CACNA1C: variants seen among roughly 807,000 people sequenced by gnomAD.
The protein encoded by CACNA1C is calcium voltage-gated channel subunit alpha1 C.
A neutral mutation model predicts 229.0 loss-of-function variants in CACNA1C; 30 were observed. The ratio of observed to expected loss-of-function variants is 0.13; its 90% CI spans 0.10 to 0.18. The LOEUF is 0.18. Among genes scored for constraint, CACNA1C ranks in the 10% least tolerant of loss-of-function variants. The probability of loss-of-function intolerance (pLI) is 1.00; values close to 1 mark genes in which losing one functional copy is unlikely to be tolerated. For missense variants in CACNA1C, 1,658 were observed against 2,845.0 expected (o/e 0.58, Z 9.49); for synonymous variants, 1,114 against 1,132.5 (o/e 0.98, Z 0.33).
At chr12:2,128,706 C>T (rs950669405) in intron 3 of CACNA1C, among the ~76,000 whole-genome samples, 1 of 152,162 alleles carries the variant, frequency 6.6e-6, no homozygotes. Flanking sequence ...CCACTGCGCC[C>T]GGCCAGGTAA....
intron 13 of CACNA1C, among the ~76,000 whole-genome samples, chr12:2,569,314 A>G (rs2053048532): frequency 6.7e-6 from 1 of 149,534 alleles, no homozygotes; most frequent in Admixed American, 6.7e-5. Context: ...ACATACTGAA[A>G]TATAATTCAT....
chr12:2,620,563 C>G (rs1478026886), intron 29 of CACNA1C, among the ~76,000 whole-genome samples: 1 of 152,232 alleles, frequency 6.6e-6, no homozygotes, highest in Non-Finnish European at 1.5e-5. Flanking sequence ...CCGTCCTTCC[C>G]TCTCATTCAG....
chr12:2,149,781 A>AG (rs1268744506), intron 3 of CACNA1C, among the ~76,000 whole-genome samples: 1 of 152,074 alleles, frequency 6.6e-6, no homozygotes, highest in Non-Finnish European at 1.5e-5. Flanking sequence ...TGTAGGACCC[A>AG]GGGGGGAGCA....
chr12:2,200,681 A>G (rs1161661378), intron 3 of CACNA1C, among the ~76,000 whole-genome samples: 1 of 152,190 alleles, frequency 6.6e-6, no homozygotes, highest in Non-Finnish European at 1.5e-5. Context: ...GGGAATGACA[A>G]GGGCTGACAA....
At chr12:2,253,902 T>G (rs1272978704) in intron 3 of CACNA1C, among the ~76,000 whole-genome samples, 4 of 152,156 alleles carry the variant, frequency 2.6e-5, no homozygotes, top group Non-Finnish European at 4.4e-5. Context: ...ATGGGATCAC[T>G]GGAGAGAGAA....
chr12:2,685,356 G>C lies in CACNA1C; in HGVS notation c.5574-380G>C, dbSNP rs575705484. 1.3e-4 allele frequency among the ~76,000 whole-genome samples: 19 copies of C among 151,112 alleles called. No individual in the cohort carries two copies. The South Asian group carries it at 4.0e-3, about 32-fold the overall frequency. On this transcript the variant is annotated intron_variant, in intron 43 of 46. Transcript: ENST00000399655. ...GGCATAAGTTTGGGTGAAAGTTGAG[G>C]GTCACTGGGGAAAACAGCATCAGCT...
rs1167574555 is a variant in CACNA1C at position 2,581,741 on chromosome 12, C to G, written c.2047C>G (p.Gln683Glu). ...FGGKFNFDEM[Q>E]TRRSTFDNFP... ...AGGAAAGTTCAACTTTGATGAGATG[C>G]AGACCCGGAGGAGCACATTCGATAA... is the stretch of plus-strand genomic sequence containing the variant. The change falls in exon 14 of 47, where the codon CAG becomes GAG. Residue 683 changes from glutamine (Q) to glutamate (E), a missense_variant. Gln to Glu is a conservative substitution (Grantham distance 29). This residue lies in a region of CACNA1C where 30 missense variants were observed against 73.2 expected (regional missense o/e 0.41). Coordinates refer to ENST00000399655, the MANE Select transcript of CACNA1C (RefSeq NM_000719.7). The G allele has an allele frequency of 6.2e-7, 1 of 1,613,202 alleles. No individual in the cohort carries two copies. Among genetic ancestry groups the G allele is most frequent in the Non-Finnish European group, 8.5e-7 (1 of 1,179,510 alleles).
chr12:2,428,824 A>G (rs960209882), intron 3 of CACNA1C, among the ~76,000 whole-genome samples: 1 of 152,212 alleles, frequency 6.6e-6, no homozygotes, highest in Admixed American at 6.5e-5. Flanking sequence ...GCTGATGCTG[A>G]TGTTTAGCCT....
intron 3 of CACNA1C, among the ~76,000 whole-genome samples, chr12:2,428,569 T>G (rs559532934): frequency 1.3e-4 from 20 of 152,292 alleles, no homozygotes; most frequent in African/African-American, 3.6e-4. Flanking sequence ...GCGGGGAGCT[T>G]TGCTCACTCT....
chr12:2,641,307 G>A (rs2093666623), intron 30 of CACNA1C, among the ~76,000 whole-genome samples: 1 of 152,178 alleles, frequency 6.6e-6, no homozygotes, highest in African/African-American at 2.4e-5. Context: ...GAAACAGCTT[G>A]CTCATTTTCA....
intron 1 of CACNA1C, among the ~76,000 whole-genome samples, chr12:2,106,993 GTGT>G (rs2079159254): frequency 2.8e-5 from 3 of 108,636 alleles, no homozygotes; most frequent in African/African-American, 9.6e-5. Flanking sequence ...CTCAGCTGGG[GTGT>G]CCTGAAGCCA....
intron 43 of CACNA1C, among the ~76,000 whole-genome samples, chr12:2,683,796 G>T (rs2097299291): frequency 6.6e-6 from 1 of 152,178 alleles, no homozygotes; most frequent in Middle Eastern, 3.2e-3. Context: ...CCTGCTGGGA[G>T]CCACTGTCCC....
intron 1 of CACNA1C, among the ~76,000 whole-genome samples, chr12:1,997,235 A>G (rs1457857492): frequency 1.3e-5 from 2 of 152,228 alleles, no homozygotes; most frequent in Non-Finnish European, 2.9e-5. Context: ...GGGTGGGAGA[A>G]AAGTGATCAA....
chr12:2,238,531 G>T (rs963535769), intron 3 of CACNA1C, among the ~76,000 whole-genome samples: 1 of 152,224 alleles, frequency 6.6e-6, no homozygotes, highest in African/African-American at 2.4e-5. Flanking sequence ...AATGGGATGA[G>T]TCTGTCAGTC....
chr12:2,350,501 T>C (rs2097173847), intron 3 of CACNA1C, among the ~76,000 whole-genome samples: 1 of 152,138 alleles, frequency 6.6e-6, no homozygotes, highest in African/African-American at 2.4e-5. Context: ...CTCTAAGCCT[T>C]TTAAGTAGCA....
At chr12:2,570,531 CT>C (rs2053783415) in intron 13 of CACNA1C, among the ~76,000 whole-genome samples, 1 of 152,104 alleles carries the variant, frequency 6.6e-6, no homozygotes, top group African/African-American at 2.4e-5. Flanking sequence ...GAGAAGAGAG[CT>C]AATAGTGACC....
chr12:2,100,629 T>C (rs1337539024), intron 1 of CACNA1C, among the ~76,000 whole-genome samples: 1 of 146,424 alleles, frequency 6.8e-6, no homozygotes, highest in Non-Finnish European at 1.5e-5. Context: ...CGGTGACTCA[T>C]GCCTGTAGTC....
chr12:2,171,186 T>G (rs1185793448), intron 3 of CACNA1C, among the ~76,000 whole-genome samples: 2 of 152,214 alleles, frequency 1.3e-5, no homozygotes, highest in Admixed American at 6.5e-5. Context: ...GCCTGACCTG[T>G]CAGGGCGATA....
At chr12:2,058,318 T>C (rs1166350566) in intron 1 of CACNA1C, among the ~76,000 whole-genome samples, 7 of 152,254 alleles carry the variant, frequency 4.6e-5, no homozygotes, top group Non-Finnish European at 1.0e-4. Context: ...GCTGGGACCC[T>C]GAAATCAGTG....
Sources: allele counts gnomAD v4.1 joint callset (sites outside exome capture counted in the v4.1 genomes callset), GRCh38; gene constraint gnomAD v4.1.1; regional missense constraint gnomAD v4.1.1; transcripts MANE v1.5; gene names NCBI Gene and HGNC (gene_info 2026-07-23, HGNC 2026-07-21).